The following PLOD2 variants were observed in gnomAD, a reference collection of about 807,000 sequenced individuals.
PLOD2 encodes procollagen-lysine,2-oxoglutarate 5-dioxygenase 2.
Under a neutral mutation model 101.0 loss-of-function variants are expected in PLOD2, and 65 were observed. The ratio of observed to expected loss-of-function variants is 0.64; its 90% CI spans 0.53 to 0.79. The LOEUF (loss-of-function observed/expected upper bound fraction) is 0.79. PLOD2 is among the 30% of genes least tolerant of loss of function. The pLI is 0.00. For missense variants in PLOD2, 909 were observed against 914.6 expected (o/e 0.99, Z 0.08); for synonymous variants, 314 against 302.9 (o/e 1.04, Z -0.38).
chr3:146,086,653 T>C, intron 10 of PLOD2, 134 bp downstream of exon 10: 1 of 548,538 alleles, frequency 1.8e-6, no homozygotes, highest in Non-Finnish European at 3.2e-6. Flanking sequence ...ACAGTCTAAG[T>C]TGGCTACTGC....
intron 1 of PLOD2, among the ~76,000 whole-genome samples, chr3:146,144,931 T>C (rs368238895): frequency 1.3e-5 from 2 of 152,266 alleles, no homozygotes; most frequent in South Asian, 2.1e-4. Context: ...AAATTTATTC[T>C]TAACTATCTC....
chr3:146,103,472 T>C (rs866895962), intron 6 of PLOD2, among the ~76,000 whole-genome samples: 1 of 151,806 alleles, frequency 6.6e-6, no homozygotes, highest in Middle Eastern at 3.2e-3. Flanking sequence ...TTTTTTTTTT[T>C]TTTTAGAGAC....
intron 1 of PLOD2, among the ~76,000 whole-genome samples, chr3:146,146,070 T>C (rs569645186): frequency 6.6e-6 from 1 of 152,330 alleles, no homozygotes; most frequent in South Asian, 2.1e-4. Context: ...TTTTTTCCCA[T>C]GACTTTATTA....
chr3:146,142,884 ACT>A (rs375914557), intron 1 of PLOD2, among the ~76,000 whole-genome samples: 99 of 152,102 alleles, frequency 6.5e-4, no homozygotes, highest in African/African-American at 2.2e-3. Context: ...TGACTCAGGG[ACT>A]CTCTGCAGCA....
chr3:146,096,741 C>T (rs1481541339), intron 7 of PLOD2, among the ~76,000 whole-genome samples: 15 of 149,866 alleles, frequency 1.0e-4, no homozygotes, highest in South Asian at 8.4e-4. Flanking sequence ...CCACCCCGTC[C>T]GGGAGGGAGG....
At chr3:146,126,410 A>AATGG (rs1241249020) in intron 1 of PLOD2, among the ~76,000 whole-genome samples, 89 of 152,318 alleles carry the variant, frequency 5.8e-4, no homozygotes, top group Middle Eastern at 3.4e-3. Flanking sequence ...CAATTCAAGA[A>AATGG]TTCAACCATC....
chr3:146,071,434 C>T lies in PLOD2; in HGVS notation c.1849-11G>A, dbSNP rs1936129079. ...AGATATACGGCTATCCTAGAAACAA[C>T]ATTAATGACATAATAAGCTGTACTC... On this transcript the variant is annotated splice_polypyrimidine_tract_variant and intron_variant, in intron 17 of 19. Transcript: ENST00000282903. 2.5e-6 allele frequency: 4 copies of T among 1,610,052 alleles called. No homozygotes were observed. The highest frequency in any genetic ancestry group is 3.4e-6 in the Non-Finnish European group (4 of 1,177,124).
At chr3:146,147,649 C>T (rs2031848100) in intron 1 of PLOD2, among the ~76,000 whole-genome samples, 1 of 152,226 alleles carries the variant, frequency 6.6e-6, no homozygotes, top group South Asian at 2.1e-4. Context: ...TGTCTCTAGA[C>T]GTTACCAAAT....
At chr3:146,130,619 A>T (rs2030854806) in intron 1 of PLOD2, among the ~76,000 whole-genome samples, 1 of 152,212 alleles carries the variant, frequency 6.6e-6, no homozygotes, top group South Asian at 2.1e-4. Context: ...AAATAATTTA[A>T]CAAAATCCCT....
At chr3:146,129,942 G>C (rs192687094) in intron 1 of PLOD2, among the ~76,000 whole-genome samples, 258 of 152,220 alleles carry the variant, frequency 1.7e-3, no homozygotes, top group Middle Eastern at 6.8e-3. Context: ...CTAAACCTCT[G>C]TTTACAAAGC....
Position 146,160,643 on chromosome 3 carries a change from T to G in PLOD2, c.109+238A>C. On this transcript the variant is annotated intron_variant, in intron 1 of 19. Coordinates refer to ENST00000282903, the MANE Select transcript of PLOD2 (RefSeq NM_182943.3). ...ACTCCAACTTGTTCTGCAGGGAAAT[T>G]CGGGCACGCTGAGTTCACCGAGAAC... The G allele has an allele frequency of 3.2e-5, 17 of 535,620 alleles. 1 individual carries two copies. In the South Asian group the frequency reaches 3.9e-4, roughly 12 times the overall value. 33.2% of individuals were successfully genotyped at this position (535,620 alleles called of 1,614,324 possible). A position where few individuals can be genotyped will look rare whatever the true frequency, so the allele number is the denominator to read the frequency against.
chr3:146,143,626 G>A (rs970913183), intron 1 of PLOD2, among the ~76,000 whole-genome samples: 1 of 151,980 alleles, frequency 6.6e-6, no homozygotes, highest in African/African-American at 2.4e-5. Flanking sequence ...TGATATAGCT[G>A]TAACTCTATC....
In PLOD2 at chr3:146,097,148, G is replaced by A. The variant is rs544468048; in HGVS notation, c.778-5247C>T. Among the ~76,000 whole-genome samples, 1,474 of 148,868 alleles carry A rather than the reference G, an allele frequency of 9.9e-3. 25 individuals are homozygous for A. The highest frequency in any genetic ancestry group is 0.034 in the African/African-American group (1,387 of 40,304). On this transcript the variant is annotated intron_variant, in intron 7 of 19. Coordinates refer to ENST00000282903, the MANE Select transcript of PLOD2 (RefSeq NM_182943.3). ...AGGTGGGGGGGTCAGCCCCCCGCCCGGCCAGCCGCCCAGTCCGGGAGGGAG... is the reference window on the plus strand; with the variant it reads ...AGGTGGGGGGGTCAGCCCCCCGCCCAGCCAGCCGCCCAGTCCGGGAGGGAG...
rs149602323 is a variant in PLOD2, at chr3:146,126,884, ATATCATGCCTGCAATC to A, written c.110-2671_110-2656del. Among the ~76,000 whole-genome samples, 570 of 152,280 alleles carry A rather than the reference ATATCATGCCTGCAATC, an allele frequency of 3.7e-3. 5 individuals are homozygous for A. The highest frequency in any genetic ancestry group is 0.013 in the African/African-American group (548 of 41,566). On this transcript the variant is annotated intron_variant, in intron 1 of 19. Transcript: ENST00000282903. ...TACTGAAGTAATACCCTATCAAATG[ATATCATGCCTGCAATC>A]TGTTTTAAAGTTAATTGGGGTAGAT...
At chr3:146,115,217 A>G (rs1171123782) in intron 3 of PLOD2, among the ~76,000 whole-genome samples, 1 of 152,168 alleles carries the variant, frequency 6.6e-6, no homozygotes, top group African/African-American at 2.4e-5. Context: ...TACACAGGTC[A>G]TAAAAATATT....
intron 7 of PLOD2, among the ~76,000 whole-genome samples, chr3:146,095,010 C>T (rs1030259285): frequency 2.6e-5 from 4 of 152,128 alleles, no homozygotes; most frequent in Non-Finnish European, 4.4e-5. Context: ...GGAAAACTGG[C>T]TAGCCATATG....
At chr3:146,137,253 C>T (rs938148325) in intron 1 of PLOD2, among the ~76,000 whole-genome samples, 3 of 152,106 alleles carry the variant, frequency 2.0e-5, no homozygotes, top group African/African-American at 7.2e-5. Flanking sequence ...TTTATAGCAC[C>T]ATTTTGATGC....
At chr3:146,156,829 A>T (rs1331340142) in intron 1 of PLOD2, among the ~76,000 whole-genome samples, 1 of 152,258 alleles carries the variant, frequency 6.6e-6, no homozygotes, top group Admixed American at 6.5e-5. Flanking sequence ...CAGCCTGAAG[A>T]AGGGGCACAG....
At chr3:146,117,686 C>T (rs963642818) in intron 3 of PLOD2, among the ~76,000 whole-genome samples, 1 of 152,060 alleles carries the variant, frequency 6.6e-6, no homozygotes, top group Non-Finnish European at 1.5e-5. Context: ...GCTGTTCTCA[C>T]AGGAGATGTC....
Sources: allele counts gnomAD v4.1 joint callset (sites outside exome capture counted in the v4.1 genomes callset), GRCh38; gene constraint gnomAD v4.1.1; transcripts MANE v1.5; gene names NCBI Gene and HGNC (gene_info 2026-07-23, HGNC 2026-07-21).